The following CCDC85C variants were observed in gnomAD, a reference collection of about 807,000 sequenced individuals.
The protein encoded by CCDC85C is coiled-coil domain-containing protein 85C.
Under a neutral mutation model 38.3 loss-of-function variants are expected in CCDC85C, and 18 were observed. That is an observed-to-expected ratio of 0.47 (90% confidence interval 0.33 to 0.70). The LOEUF is 0.70. Among genes scored for constraint, CCDC85C ranks in the 30% least tolerant of loss-of-function variants. The pLI is 0.03. For missense variants in CCDC85C, 566 were observed against 621.2 expected (o/e 0.91, Z 0.94); for synonymous variants, 264 against 293.8 (o/e 0.90, Z 1.04).
rs1345752409 is a variant in CCDC85C, at chr14:99,508,699, A to G, written c.*6547T>C. ...TCAGGAGCAAGTGTACAGAGAGGGA[A>G]TGGGGTGCCCAGGAGAGACCCCCAC... On this transcript the variant is annotated 3_prime_UTR_variant, in exon 6 of 6. Transcript: ENST00000380243. 7 of 152,566 alleles carry G rather than the reference A, an allele frequency of 4.6e-5. No individual in the cohort carries two copies. The highest frequency in any genetic ancestry group is 3.9e-4 in the Admixed American group (6 of 15,284). The allele number at this position is 152,566 out of a possible 1,614,324, so 9.5% of individuals were successfully genotyped here. A position where few individuals can be genotyped will look rare whatever the true frequency, so the allele number is the denominator to read the frequency against.
intron 2 of CCDC85C, among the ~76,000 whole-genome samples, chr14:99,528,810 G>C (rs570869497): frequency 2.8e-4 from 43 of 152,186 alleles, no homozygotes; most frequent in African/African-American, 9.2e-4. Context: ...TCATTTGTAG[G>C]GGGGAACAAC....
chr14:99,570,961 C>T (rs534819393), intron 1 of CCDC85C, among the ~76,000 whole-genome samples: 12 of 152,180 alleles, frequency 7.9e-5, no homozygotes, highest in South Asian at 4.2e-4. Context: ...CCAGATCCCA[C>T]GAGGGGCTTC....
chr14:99,552,565 G>A (rs901472256), intron 1 of CCDC85C, among the ~76,000 whole-genome samples: 3 of 152,244 alleles, frequency 2.0e-5, no homozygotes, highest in Non-Finnish European at 4.4e-5. Flanking sequence ...CAGGCACCCT[G>A]AAAGCCCCCT....
chr14:99,540,853 C>A (rs1014101121), intron 1 of CCDC85C, among the ~76,000 whole-genome samples: 4 of 152,182 alleles, frequency 2.6e-5, no homozygotes, highest in African/African-American at 9.7e-5. Context: ...AGTCACAGAG[C>A]CTGCAGGTCT....
At chr14:99,571,606 T>C (rs1898345517) in intron 1 of CCDC85C, among the ~76,000 whole-genome samples, 1 of 152,200 alleles carries the variant, frequency 6.6e-6, no homozygotes. Flanking sequence ...AACACAGTCA[T>C]GGATGTTAAA....
At chr14:99,584,953 G>A (rs2055011421) in intron 1 of CCDC85C, among the ~76,000 whole-genome samples, 1 of 152,218 alleles carries the variant, frequency 6.6e-6, no homozygotes, top group Non-Finnish European at 1.5e-5. Flanking sequence ...AAATTGGCCA[G>A]GCATGGTGGC....
chr14:99,519,279 CTTT>C (rs60431041), intron 3 of CCDC85C, among the ~76,000 whole-genome samples: 3 of 122,836 alleles, frequency 2.4e-5, no homozygotes, highest in Admixed American at 8.3e-5. Context: ...CCATGCCCAG[CTTT>C]TTTTTTTTTT....
chr14:99,521,817 C>T (rs1378727247), intron 3 of CCDC85C, among the ~76,000 whole-genome samples: 1 of 152,236 alleles, frequency 6.6e-6, no homozygotes, highest in African/African-American at 2.4e-5. Context: ...CCCCAAGCTC[C>T]AGGGCTGGCC....
In CCDC85C at chr14:99,535,974, G is replaced by C; in HGVS notation, c.867+41C>G. The stretch of plus-strand genomic sequence containing the variant: ...GGGTGAGCTGGAGGGGTGGGTGCTG[G>C]GTCGCGGTCCTCAAGGCAGCGCCAC... On this transcript the variant is annotated intron_variant, in intron 2 of 5. Coordinates refer to ENST00000380243, the MANE Select transcript of CCDC85C (RefSeq NM_001144995.2). The surrounding 1 kb of genome is among the most constrained non-coding windows in gnomAD (Gnocchi z 5.5). 1 of 1,481,214 alleles carries C rather than the reference G, an allele frequency of 6.8e-7. No individual in the cohort carries two copies. The highest frequency in any genetic ancestry group is 9.2e-7 in the Non-Finnish European group (1 of 1,084,784). 91.8% of individuals were successfully genotyped at this position (1,481,214 alleles called of 1,614,324 possible). A position where few individuals can be genotyped will look rare whatever the true frequency, so the allele number is the denominator to read the frequency against.
At chr14:99,585,910 T>C (rs910426494) in intron 1 of CCDC85C, among the ~76,000 whole-genome samples, 4 of 152,176 alleles carry the variant, frequency 2.6e-5, no homozygotes, top group African/African-American at 9.6e-5. Flanking sequence ...ACCTTAGGCG[T>C]AAAGCTAGAA....
rs1897843046 is a variant in CCDC85C, at chr14:99,548,245, G to C, written c.794-12157C>G. Among the ~76,000 whole-genome samples, 1 of 152,052 alleles carries C rather than the reference G, an allele frequency of 6.6e-6. No homozygotes were observed. Among genetic ancestry groups the C allele is most frequent in the Non-Finnish European group, 1.5e-5 (1 of 68,006 alleles). ...AGGAAATACATGGGAAGGGGCAGAG[G>C]TATAGGAAGAGGAGAGCCACAAAAG... On this transcript the variant is annotated intron_variant, in intron 1 of 5. Coordinates refer to ENST00000380243, the MANE Select transcript of CCDC85C (RefSeq NM_001144995.2). The surrounding 1 kb of genome is among the most constrained non-coding windows in gnomAD (Gnocchi z 4.9).
In CCDC85C at chr14:99,603,203, G is replaced by T; in HGVS notation, c.757C>A (p.Pro253Thr). The T allele has an allele frequency of 7.0e-7, 1 of 1,427,662 alleles. No homozygotes were observed. The highest frequency in any genetic ancestry group is 9.1e-7 in the Non-Finnish European group (1 of 1,093,114). 88.4% of individuals were successfully genotyped at this position (1,427,662 alleles called of 1,614,324 possible). The stretch of plus-strand genomic sequence containing the variant: ...TTGGGGATGCTGCGGTGGTGCGGCG[G>T]CGCCGACAAGTCGTCCAGGGACCGA... Reference protein sequence around the residue: ...TRRSLDDLSAPPHHRSIPNGL... With the variant: ...TRRSLDDLSATPHHRSIPNGL... The change falls in exon 1 of 6, where the codon CCG becomes ACG. Residue 253 changes from proline to threonine, a missense_variant. By Grantham distance (38) the Pro-to-Thr change is conservative. Around this residue, in one of 3 missense-constraint regions of CCDC85C, gnomAD observed 286 missense variants for 276.4 expected, o/e 1.03. Transcript: ENST00000380243. The surrounding 1 kb of genome is among the most constrained non-coding windows in gnomAD (Gnocchi z 7.5).
chr14:99,599,078 A>G (rs2055173314), intron 1 of CCDC85C, among the ~76,000 whole-genome samples: 1 of 152,152 alleles, frequency 6.6e-6, no homozygotes, highest in African/African-American at 2.4e-5. Context: ...GGGTTTAGGA[A>G]AAGCAGCCTT....
At chr14:99,551,632 G>T (rs1392787406) in intron 1 of CCDC85C, among the ~76,000 whole-genome samples, 2 of 148,592 alleles carry the variant, frequency 1.3e-5, no homozygotes, top group African/African-American at 5.0e-5. Flanking sequence ...GAGTGTGCAG[G>T]TGGGTGAGAG....
At chr14:99,519,816 G>A (rs2139899016) in intron 3 of CCDC85C, among the ~76,000 whole-genome samples, 1 of 152,368 alleles carries the variant, frequency 6.6e-6, no homozygotes, top group Middle Eastern at 3.4e-3. Context: ...CACACGTCAT[G>A]TGATTCCATT....
intron 2 of CCDC85C, 122 bp from the exon 3 acceptor site, chr14:99,522,362 ACCCTC>A: frequency 1.5e-6 from 1 of 649,678 alleles, no homozygotes; most frequent in Admixed American, 2.7e-5. Flanking sequence ...GGACCCCTCC[ACCCTC>A]CCCTCCACAC....
rs1024541449 is a variant in CCDC85C at position 99,603,473 on chromosome 14, C to A, written c.487G>T (p.Ala163Ser). 18 of 1,286,052 alleles carry A rather than the reference C, an allele frequency of 1.4e-5. No individual in the cohort carries two copies. The African/African-American group carries it at 2.5e-4, about 18-fold the overall frequency. 79.7% of individuals were successfully genotyped at this position (1,286,052 alleles called of 1,614,324 possible). Reference sequence around the variant, plus strand: ...CCGCCGCCGCCGCCACCGCTTGCGGCCCCCGTCGCCGCCAGTGCCGCGCGC... The same window carrying A: ...CCGCCGCCGCCGCCACCGCTTGCGGACCCCGTCGCCGCCAGTGCCGCGCGC... Reference protein sequence around the residue: ...EERAALAATGAASGGGGGGGG... With the variant: ...EERAALAATGSASGGGGGGGG... Residue 163 changes from alanine to serine, a missense_variant, in exon 1 of 6, where the codon GCC becomes TCC. Physicochemically the swap from Ala to Ser is moderately conservative, Grantham distance 99. Transcript: ENST00000380243. This position sits in a 1 kb window ranked among gnomAD's most constrained non-coding sequence, Gnocchi z 7.5.
chr14:99,601,336 G>T (rs544169232), intron 1 of CCDC85C, among the ~76,000 whole-genome samples: 3 of 152,230 alleles, frequency 2.0e-5, no homozygotes, highest in Middle Eastern at 6.8e-3. Context: ...CAGTGGGGTG[G>T]AAAACTCAGT....
chr14:99,581,802 G>A (rs549777877), intron 1 of CCDC85C, among the ~76,000 whole-genome samples: 4 of 152,304 alleles, frequency 2.6e-5, no homozygotes, highest in East Asian at 1.9e-4. Context: ...ATTTTAAACC[G>A]TGCCATCTTC....
Sources: gnomAD v4.1 joint callset for allele counts (sites outside exome capture counted in the v4.1 genomes callset) on GRCh38, gnomAD v4.1.1 for gene constraint, gnomAD v4.1.1 regional missense constraint, Gnocchi (gnomAD v3.1) non-coding constraint, MANE v1.5 for transcripts, NCBI Gene and HGNC (gene_info 2026-07-23, HGNC 2026-07-21) for gene names.